NOS1: variants seen among roughly 807,000 people sequenced by gnomAD.
NOS1 encodes NOS type I.
NOS1 carries 51 observed loss-of-function variants against 164.5 expected under a neutral mutation model. The observed-to-expected ratio is 0.31, with a 90% CI of 0.25 to 0.39. The LOEUF (loss-of-function observed/expected upper bound fraction) is 0.39. Ranked by LOEUF, NOS1 falls within the 10% of genes least tolerant of loss-of-function variation. NOS1 has a pLI of 1.00. For missense variants in NOS1, 1,362 were observed against 1,885.6 expected (o/e 0.72, Z 5.14); for synonymous variants, 719 against 745.8 (o/e 0.96, Z 0.59).
chr12:117,263,814 C>A, intron 13 of NOS1, 75 bp downstream of exon 13: 1 of 1,134,116 alleles, frequency 8.8e-7, no homozygotes, highest in South Asian at 1.3e-5. Flanking sequence ...GCACAGGAGT[C>A]TGCCCAGCCT....
intron 1 of NOS1, among the ~76,000 whole-genome samples, chr12:117,333,028 G>A (rs544970380): frequency 1.3e-5 from 2 of 152,342 alleles, no homozygotes; most frequent in East Asian, 1.9e-4. Flanking sequence ...TGGAGATGCT[G>A]TGGCCCAGGT....
chr12:117,335,727 T>C (rs1052424772), intron 1 of NOS1, among the ~76,000 whole-genome samples: 3 of 42,320 alleles, frequency 7.1e-5, no homozygotes, highest in African/African-American at 3.2e-4. Context: ...TTACAGACTA[T>C]ATGAGAGAGA....
chr12:117,243,539 A>C lies in NOS1; in HGVS notation c.2824-104T>G. On this transcript the variant is annotated intron_variant, in intron 18 of 28. Transcript: ENST00000317775. This position sits in a 1 kb window ranked among gnomAD's most constrained non-coding sequence, Gnocchi z 4.3. ...TATCTCTTCATTCACCCATCCATCC[A>C]TCTATCCAACCATCCATCCATCCAT... 2 of 1,290,952 alleles carry C rather than the reference A, an allele frequency of 1.5e-6. No homozygotes were observed. The highest frequency in any genetic ancestry group is 2.1e-6 in the Non-Finnish European group (2 of 931,940). The allele number at this position is 1,290,952 out of a possible 1,614,324, so 80.0% of individuals were successfully genotyped here.
In NOS1 at chr12:117,208,367, G is replaced by C. The variant is rs1170729496; in HGVS notation, c.*6942C>G. ...AGCAGCATTGAGAGCTCAGAGGTAG[G>C]GGGGACGGCCGAGTTTCTGACAGCG... is the stretch of plus-strand genomic sequence containing the variant. On this transcript the variant is annotated 3_prime_UTR_variant, in exon 29 of 29. Transcript: ENST00000317775. 6.4e-6 allele frequency: 8 copies of C among 1,249,202 alleles called. No individual in the cohort carries two copies. Among genetic ancestry groups the C allele is most frequent in the Non-Finnish European group, 6.1e-6 (6 of 976,424 alleles). The allele number at this position is 1,249,202 out of a possible 1,614,324, so 77.4% of individuals were successfully genotyped here.
chr12:117,249,870 G>A (rs1314162994), intron 17 of NOS1, among the ~76,000 whole-genome samples: 2 of 152,158 alleles, frequency 1.3e-5, no homozygotes, highest in African/African-American at 4.8e-5. Context: ...GGTCTTGGCT[G>A]TAGGTCTAGA....
At chr12:117,239,441 G>C (rs1869986713) in intron 20 of NOS1, among the ~76,000 whole-genome samples, 2 of 152,216 alleles carry the variant, frequency 1.3e-5, no homozygotes, top group Admixed American at 1.3e-4. Context: ...TCTCTTCTGT[G>C]TCGTTTGCTA....
At chr12:117,274,884 T>A (rs1592977200) in intron 9 of NOS1, among the ~76,000 whole-genome samples, 1 of 151,824 alleles carries the variant, frequency 6.6e-6, no homozygotes, top group East Asian at 1.9e-4. Context: ...AACCTAGGTG[T>A]CTAACAACGG....
At chr12:117,240,976 G>A (rs535366011) in intron 20 of NOS1, among the ~76,000 whole-genome samples, 14 of 142,486 alleles carry the variant, frequency 9.8e-5, no homozygotes, top group South Asian at 8.8e-4. Context: ...GTCTCATTCC[G>A]TCGCCCAGGC....
intron 13 of NOS1, 50 bp from the exon 14 acceptor site, chr12:117,260,659 GA>G: frequency 6.3e-7 from 1 of 1,584,938 alleles, no homozygotes; most frequent in Non-Finnish European, 8.6e-7. Flanking sequence ...AAAGGGGAGA[GA>G]AGATGCTGGA....
chr12:117,215,414 T>TG, intron 28 of NOS1, 90 bp from the exon 29 acceptor site: 4 of 1,367,778 alleles, frequency 2.9e-6, no homozygotes, highest in Non-Finnish European at 3.8e-6. Context: ...ACCCATGCTC[T>TG]GGGCTCAGGG....
At chr12:117,275,333 C>T (rs1370935865) in intron 9 of NOS1, among the ~76,000 whole-genome samples, 1 of 151,968 alleles carries the variant, frequency 6.6e-6, no homozygotes. Flanking sequence ...AAGAATGAAA[C>T]CATGTCACTC....
intron 17 of NOS1, 50 bp from the exon 18 acceptor site, chr12:117,247,572 G>T (rs761853539): frequency 1.8e-5 from 27 of 1,536,640 alleles, no homozygotes; most frequent in Non-Finnish European, 1.1e-5. Context: ...TGGGGAATGT[G>T]GGGAGTGTCT....
In NOS1 at chr12:117,243,267, A is replaced by G. The variant is rs886380681; in HGVS notation, c.2962+30T>C. Reference sequence around the variant, plus strand: ...ACCTGCCTTTCCCCCATTGTCACGAATACCTCCCTGGAAGGGTGGTGGGAG... The same window carrying G: ...ACCTGCCTTTCCCCCATTGTCACGAGTACCTCCCTGGAAGGGTGGTGGGAG... On this transcript the variant is annotated intron_variant, in intron 19 of 28. Transcript: ENST00000317775. This position sits in a 1 kb window ranked among gnomAD's most constrained non-coding sequence, Gnocchi z 4.3. 7 of 1,612,014 alleles carry G rather than the reference A, an allele frequency of 4.3e-6. No homozygotes were observed. The highest frequency in any genetic ancestry group is 5.1e-6 in the Non-Finnish European group (6 of 1,179,018).
In NOS1 at chr12:117,208,614, G is replaced by A; in HGVS notation, c.*6695C>T. ...CGGCAGAGCACAGGACATGGGAGGG[G>A]ACTGAGACCCAGCTCAAGAGCACTG... On this transcript the variant is annotated 3_prime_UTR_variant, in exon 29 of 29. Coordinates refer to ENST00000317775, the MANE Select transcript of NOS1 (RefSeq NM_000620.5). 1 of 1,169,196 alleles carries A rather than the reference G, an allele frequency of 8.6e-7. No individual in the cohort carries two copies. The highest frequency in any genetic ancestry group is 1.1e-6 in the Non-Finnish European group (1 of 930,502). 72.4% of individuals were successfully genotyped at this position (1,169,196 alleles called of 1,614,324 possible).
At position 117,209,524 on chromosome 12, in the gene NOS1, C is replaced by G. The variant is rs1956496101; in HGVS notation, c.*5785G>C. ...TGGAGGCAGATTTGTTCCCGCCTGCCAGGGCCATCTCGTTAATAACGGACT... is the reference window on the plus strand; with the variant it reads ...TGGAGGCAGATTTGTTCCCGCCTGCGAGGGCCATCTCGTTAATAACGGACT... On this transcript the variant is annotated 3_prime_UTR_variant, in exon 29 of 29. Transcript: ENST00000317775. 1 of 985,378 alleles carries G rather than the reference C, an allele frequency of 1.0e-6. No individual in the cohort carries two copies. The highest frequency in any genetic ancestry group is 6.1e-5 in the Admixed American group (1 of 16,266). 61.0% of individuals were successfully genotyped at this position (985,378 alleles called of 1,614,324 possible).
intron 2 of NOS1, among the ~76,000 whole-genome samples, chr12:117,313,836 A>G (rs1402701560): frequency 4.6e-5 from 7 of 152,088 alleles, no homozygotes. Flanking sequence ...CCCCTATCCA[A>G]TTTGACTCTG....
intron 28 of NOS1, 25 bp downstream of exon 28, chr12:117,218,021 T>C (rs755446044): frequency 9.1e-6 from 14 of 1,535,402 alleles, no homozygotes; most frequent in Non-Finnish European, 1.3e-5. Context: ...TTCCTGCCCC[T>C]CACCCAGGGA....
intron 17 of NOS1, among the ~76,000 whole-genome samples, chr12:117,249,044 T>A: frequency 6.6e-6 from 1 of 152,206 alleles, no homozygotes; most frequent in South Asian, 2.1e-4. Flanking sequence ...GATGGGGTTG[T>A]TTGTTTTTTT....
intron 10 of NOS1, among the ~76,000 whole-genome samples, chr12:117,270,907 G>C (rs1321393649): frequency 2.0e-5 from 3 of 152,080 alleles, no homozygotes; most frequent in Non-Finnish European, 4.4e-5. Flanking sequence ...GCCAGGTGTG[G>C]TGGTGTGTAC....
Sources: allele counts gnomAD v4.1 joint callset (sites outside exome capture counted in the v4.1 genomes callset), GRCh38; gene constraint gnomAD v4.1.1; non-coding constraint Gnocchi (gnomAD v3.1); transcripts MANE v1.5; gene names NCBI Gene and HGNC (gene_info 2026-07-23, HGNC 2026-07-21).